MTA3: variants seen among roughly 807,000 people sequenced by gnomAD.
MTA3 encodes metastasis associated 1 family member 3.
A neutral mutation model predicts 83.5 loss-of-function variants in MTA3; 34 were observed. The ratio of observed to expected loss-of-function variants is 0.41; its 90% confidence interval spans 0.31 to 0.54. The LOEUF (loss-of-function observed/expected upper bound fraction) is 0.54, where lower values mean the gene tolerates loss of function less well. Among genes scored for constraint, MTA3 ranks in the 20% least tolerant of loss-of-function variants. The pLI is 0.33. For missense variants in MTA3, 761 were observed against 726.4 expected (o/e 1.05, Z -0.55); for synonymous variants, 303 against 252.7 (o/e 1.20, Z -1.89).
At chr2:42,607,585 C>G (rs1192967623) in intron 3 of MTA3, among the ~76,000 whole-genome samples, 2 of 152,132 alleles carry the variant, frequency 1.3e-5, no homozygotes, top group Admixed American at 1.3e-4. Context: ...CTCAAGCGAT[C>G]TGCTTGCCTC....
intron 2 of MTA3, among the ~76,000 whole-genome samples, chr2:42,503,851 A>G (rs1333676777): frequency 6.6e-6 from 1 of 152,128 alleles, no homozygotes; most frequent in Non-Finnish European, 1.5e-5. Context: ...CATTTAAACA[A>G]AATGAAAGAA....
chr2:42,497,531 G>A (rs1020817900), intron 2 of MTA3, among the ~76,000 whole-genome samples: 5 of 151,732 alleles, frequency 3.3e-5, no homozygotes, highest in African/African-American at 4.8e-5. Flanking sequence ...GTTGCAGTGA[G>A]CCGAGATCGC....
chr2:42,538,768 T>TTTTC (rs1676381357), intron 2 of MTA3, among the ~76,000 whole-genome samples: 1 of 70,578 alleles, frequency 1.4e-5, no homozygotes, highest in Non-Finnish European at 3.2e-5. Context: ...GTTTTTTTTG[T>TTTTC]TTTTTTTTGT....
At chr2:42,648,069 G>T (rs995230397) in intron 6 of MTA3, among the ~76,000 whole-genome samples, 1 of 152,194 alleles carries the variant, frequency 6.6e-6, no homozygotes, top group Non-Finnish European at 1.5e-5. Flanking sequence ...TTGAACTCCT[G>T]ACCTCAGGTG....
chr2:42,496,148 T>C (rs1320434501), intron 2 of MTA3, among the ~76,000 whole-genome samples: 1 of 152,220 alleles, frequency 6.6e-6, no homozygotes, highest in East Asian at 1.9e-4. Context: ...ATTGAACCAG[T>C]TGAAGAAATA....
chr2:42,563,495 T>C (rs1188479016), intron 2 of MTA3, among the ~76,000 whole-genome samples: 1 of 151,906 alleles, frequency 6.6e-6, no homozygotes, highest in African/African-American at 2.4e-5. Context: ...TGAGACGAAG[T>C]CTCACTTTTC....
chr2:42,658,987 A>G (rs1689432642), intron 7 of MTA3, among the ~76,000 whole-genome samples: 1 of 151,396 alleles, frequency 6.6e-6, no homozygotes, highest in African/African-American at 2.4e-5. Flanking sequence ...AGTTACAGCT[A>G]CTTGGGAAGC....
chr2:42,644,706 C>T (rs531941956), intron 6 of MTA3, among the ~76,000 whole-genome samples: 1 of 152,156 alleles, frequency 6.6e-6, no homozygotes, highest in African/African-American at 2.4e-5. Context: ...TGAAACATTT[C>T]AAACCTTTTC....
chr2:42,733,435 G>A (rs903075777), intron 16 of MTA3, among the ~76,000 whole-genome samples: 5 of 152,138 alleles, frequency 3.3e-5, no homozygotes, highest in African/African-American at 7.2e-5. Flanking sequence ...TGGGAATTCC[G>A]GGAGGTACAA....
intron 2 of MTA3, among the ~76,000 whole-genome samples, chr2:42,516,501 G>C (rs1572907849): frequency 6.6e-6 from 1 of 152,140 alleles, no homozygotes; most frequent in Non-Finnish European, 1.5e-5. Context: ...TGGTTTTACA[G>C]AATTCTAATG....
intron 9 of MTA3, among the ~76,000 whole-genome samples, chr2:42,690,426 C>A (rs1399795822): frequency 6.6e-6 from 1 of 151,860 alleles, no homozygotes; most frequent in Admixed American, 6.6e-5. Context: ...TCTTTGTTTT[C>A]AAAATTTTCT....
At chr2:42,580,348 T>TTTAA (rs1241664511) in intron 3 of MTA3, among the ~76,000 whole-genome samples, 2 of 151,728 alleles carry the variant, frequency 1.3e-5, no homozygotes, top group African/African-American at 4.8e-5. Flanking sequence ...TATTATTTTA[T>TTTAA]TTAATTAATT....
intron 2 of MTA3, among the ~76,000 whole-genome samples, chr2:42,527,833 A>C (rs1675787314): frequency 6.6e-6 from 1 of 151,748 alleles, no homozygotes; most frequent in South Asian, 2.1e-4. Context: ...TTAAAAAAAA[A>C]AAAACAAAAA....
At chr2:42,717,766 C>G (rs1327973060) in intron 14 of MTA3, among the ~76,000 whole-genome samples, 1 of 152,196 alleles carries the variant, frequency 6.6e-6, no homozygotes, top group African/African-American at 2.4e-5. Flanking sequence ...AATCCCTAGC[C>G]TAACAATTGA....
chr2:42,524,701 T>G (rs901719335), intron 2 of MTA3, among the ~76,000 whole-genome samples: 2 of 151,802 alleles, frequency 1.3e-5, no homozygotes, highest in Non-Finnish European at 2.9e-5. Context: ...GGCCCAAGAT[T>G]CATGCCAAAG....
At chr2:42,675,281 G>T (rs1180330733) in intron 8 of MTA3, among the ~76,000 whole-genome samples, 2 of 151,828 alleles carry the variant, frequency 1.3e-5, no homozygotes, top group Non-Finnish European at 2.9e-5. Context: ...GACTACAGGC[G>T]CATGCCACCA....
rs1016932706 is a variant in MTA3, at chr2:42,515,833, T to C, written c.-141+20579T>C. On this transcript the variant is annotated intron_variant, in intron 2 of 17. Coordinates refer to the MTA3 transcript ENST00000405592. ...GTTTATTTTATTTTATTTTGTTTTA[T>C]TTTATGTATTTTTTTTTTTTTTGAG... is the stretch of plus-strand genomic sequence containing the variant. 3.7e-5 allele frequency among the ~76,000 whole-genome samples: 5 copies of C among 136,966 alleles called. No homozygotes were observed. The East Asian group carries it at 8.6e-4, about 24-fold the overall frequency. 89.9% of individuals were successfully genotyped at this position (136,966 alleles called of 152,430 possible).
chr2:42,677,170 G>A (rs1234259015), intron 8 of MTA3, among the ~76,000 whole-genome samples: 1 of 152,042 alleles, frequency 6.6e-6, no homozygotes, highest in Non-Finnish European at 1.5e-5. Flanking sequence ...ATATGTGACT[G>A]TGCTTCATAT....
intron 2 of MTA3, among the ~76,000 whole-genome samples, chr2:42,571,228 C>G (rs1019619231): frequency 2.6e-5 from 4 of 151,266 alleles, no homozygotes; most frequent in Non-Finnish European, 5.9e-5. Flanking sequence ...AACCCTGTTT[C>G]TACTAAAAAA....
Sources: allele counts gnomAD v4.1 joint callset (sites outside exome capture counted in the v4.1 genomes callset), GRCh38; gene constraint gnomAD v4.1.1; transcripts MANE v1.5; gene names NCBI Gene and HGNC (gene_info 2026-07-23, HGNC 2026-07-21).